PLCXD3: variants seen among roughly 807,000 people sequenced by gnomAD.
The protein encoded by PLCXD3 is PI-PLC X domain-containing protein 3.
PLCXD3 carries 19 observed loss-of-function variants against 25.5 expected under a neutral mutation model. That is an observed-to-expected ratio of 0.75 (90% confidence interval 0.52 to 1.09). PLCXD3 has a LOEUF of 1.09. Among genes scored for constraint, PLCXD3 ranks in the 50% least tolerant of loss-of-function variants. The pLI, the probability that PLCXD3 is intolerant of heterozygous loss-of-function variation, is 0.00. For missense variants in PLCXD3, 411 were observed against 388.1 expected (o/e 1.06, Z -0.50); for synonymous variants, 174 against 137.6 (o/e 1.26, Z -1.85).
chr5:41,374,525 C>T, intron 2 of PLCXD3, among the ~76,000 whole-genome samples: 1 of 152,002 alleles, frequency 6.6e-6, no homozygotes. Flanking sequence ...CGAATGAAGC[C>T]ACGTACAATA....
At chr5:41,500,774 A>G (rs1748935302) in intron 1 of PLCXD3, among the ~76,000 whole-genome samples, 1 of 151,898 alleles carries the variant, frequency 6.6e-6, no homozygotes, top group Non-Finnish European at 1.5e-5. Flanking sequence ...AATAATCAAC[A>G]GAATGAAATA....
intron 2 of PLCXD3, among the ~76,000 whole-genome samples, chr5:41,329,791 TG>T (rs1341879661): frequency 6.7e-6 from 1 of 149,220 alleles, no homozygotes; most frequent in African/African-American, 2.4e-5. Flanking sequence ...TATAATCAGA[TG>T]TATTTAATCT....
rs1407119830 is a variant in PLCXD3, at chr5:41,382,524, A to T, written c.114T>A (p.Asp38Glu). The change falls in exon 2 of 3, where the codon GAT (aspartate) becomes GAA (glutamate). Residue 38 changes from aspartate (D) to glutamate (E), a missense_variant. Transcript: ENST00000377801. ...LTNLAIPGSH[D>E]SFSFYIDEAS... ...CTTCATCAATGTAGAAGCTGAAGGAATCATGAGACCCTAGGAGAATAACAA... is the reference window on the plus strand; with the variant it reads ...CTTCATCAATGTAGAAGCTGAAGGATTCATGAGACCCTAGGAGAATAACAA... 1.9e-6 allele frequency: 3 copies of T among 1,595,794 alleles called. No homozygotes were observed. Among genetic ancestry groups the T allele is most frequent in the Non-Finnish European group, 2.6e-6 (3 of 1,175,248 alleles).
intron 1 of PLCXD3, among the ~76,000 whole-genome samples, chr5:41,500,581 A>C (rs868804395): frequency 2.7e-5 from 4 of 148,094 alleles, no homozygotes; most frequent in Admixed American, 6.7e-5. Flanking sequence ...CACACACACA[A>C]ACACGCAACT....
intron 2 of PLCXD3, among the ~76,000 whole-genome samples, chr5:41,338,465 A>C (rs1444902): frequency 0.073 from 11,156 of 152,164 alleles, 568 homozygotes; most frequent in Non-Finnish European, 0.11. Flanking sequence ...ATGTGCACAC[A>C]CACACAAATC....
chr5:41,489,235 G>C (rs1350788844), intron 1 of PLCXD3, among the ~76,000 whole-genome samples: 2 of 152,158 alleles, frequency 1.3e-5, no homozygotes, highest in Admixed American at 1.3e-4. Flanking sequence ...AGATCAGATA[G>C]CTGTAGATAA....
intron 1 of PLCXD3, among the ~76,000 whole-genome samples, chr5:41,433,015 C>T (rs556737046): frequency 3.8e-4 from 58 of 152,290 alleles, no homozygotes; most frequent in South Asian, 1.0e-3. Flanking sequence ...CCTGGAACAG[C>T]GAGCAGGTGA....
chr5:41,487,484 A>G (rs1033092181), intron 1 of PLCXD3, among the ~76,000 whole-genome samples: 1 of 152,238 alleles, frequency 6.6e-6, no homozygotes, highest in Non-Finnish European at 1.5e-5. Context: ...GGGAACCAGA[A>G]AAGATCCAGA....
chr5:41,440,691 T>C (rs997764632), intron 1 of PLCXD3, among the ~76,000 whole-genome samples: 3 of 152,182 alleles, frequency 2.0e-5, no homozygotes, highest in Non-Finnish European at 4.4e-5. Flanking sequence ...TTAGCTATTA[T>C]GATTCTGATT....
intron 1 of PLCXD3, among the ~76,000 whole-genome samples, chr5:41,470,892 G>T (rs116659051): frequency 0.014 from 2,096 of 152,266 alleles, 22 homozygotes; most frequent in Non-Finnish European, 0.02. Context: ...TTAATAAACT[G>T]CATTCCCAAG....
intron 1 of PLCXD3, among the ~76,000 whole-genome samples, chr5:41,396,123 G>A (rs1745996827): frequency 6.6e-6 from 1 of 152,066 alleles, no homozygotes; most frequent in East Asian, 1.9e-4. Flanking sequence ...AGATTAGAAA[G>A]ATCATTCACC....
chr5:41,367,476 C>A (rs951834734), intron 2 of PLCXD3, among the ~76,000 whole-genome samples: 1 of 151,956 alleles, frequency 6.6e-6, no homozygotes, highest in African/African-American at 2.4e-5. Flanking sequence ...CCTTTGCCAG[C>A]TTTTTAATGG....
chr5:41,440,824 G>T (rs978619514), intron 1 of PLCXD3, among the ~76,000 whole-genome samples: 2 of 152,110 alleles, frequency 1.3e-5, no homozygotes, highest in African/African-American at 4.8e-5. Flanking sequence ...CTGGACCAAA[G>T]AATACCTTAC....
At chr5:41,315,058 AT>A (rs2150467404) in intron 2 of PLCXD3, among the ~76,000 whole-genome samples, 1 of 152,258 alleles carries the variant, frequency 6.6e-6, no homozygotes, top group South Asian at 2.1e-4. Flanking sequence ...AGGAAATACC[AT>A]TTTTTCATTT....
intron 2 of PLCXD3, among the ~76,000 whole-genome samples, chr5:41,325,746 T>C (rs951056770): frequency 1.3e-5 from 2 of 152,196 alleles, no homozygotes; most frequent in African/African-American, 2.4e-5. Flanking sequence ...ACAATTTTTA[T>C]GGTATAAGAC....
chr5:41,417,931 G>A (rs183438094), intron 1 of PLCXD3, among the ~76,000 whole-genome samples: 1 of 152,304 alleles, frequency 6.6e-6, no homozygotes, highest in East Asian at 1.9e-4. Context: ...ATCCTCATGT[G>A]TTATCTTATT....
intron 1 of PLCXD3, among the ~76,000 whole-genome samples, chr5:41,481,363 A>G (rs1172926064): frequency 2.6e-5 from 4 of 152,228 alleles, no homozygotes; most frequent in African/African-American, 9.6e-5. Flanking sequence ...ACATAATGCT[A>G]TAATACATAA....
rs545553819 is a variant in PLCXD3 at position 41,358,575 on chromosome 5, T to C, written c.812+23251A>G. Among the ~76,000 whole-genome samples, 73 of 152,364 alleles carry C rather than the reference T, an allele frequency of 4.8e-4. 1 individual carries two copies. Among genetic ancestry groups the C allele is most frequent in the Non-Finnish European group, 6.3e-4 (43 of 68,038 alleles). On this transcript the variant is annotated intron_variant, in intron 2 of 2. Coordinates refer to ENST00000377801, the MANE Select transcript of PLCXD3 (RefSeq NM_001005473.3). ...TGATGTTTGGTTTTCCATTCCTGGGTTACTTCACTTTGAATAATAATTTCC... is the reference window on the plus strand; with the variant it reads ...TGATGTTTGGTTTTCCATTCCTGGGCTACTTCACTTTGAATAATAATTTCC...
chr5:41,332,031 G>C (rs554180649), intron 2 of PLCXD3, among the ~76,000 whole-genome samples: 2 of 152,306 alleles, frequency 1.3e-5, no homozygotes, highest in Admixed American at 6.5e-5. Flanking sequence ...ACATAGGCAT[G>C]AGCAAGGACT....
Sources: gnomAD v4.1 joint callset for allele counts (sites outside exome capture counted in the v4.1 genomes callset) on GRCh38, gnomAD v4.1.1 for gene constraint, MANE v1.5 for transcripts, NCBI Gene and HGNC (gene_info 2026-07-23, HGNC 2026-07-21) for gene names.